KIF13A: variants seen among roughly 807,000 people sequenced by gnomAD.
KIF13A encodes the protein kinesin family member 13A.
In KIF13A, 79 loss-of-function variants were observed where a neutral mutation model predicts 212.2. The observed-to-expected ratio is 0.37, with a 90% confidence interval of 0.31 to 0.45. KIF13A has a LOEUF of 0.45. Among genes scored for constraint, KIF13A ranks in the 20% least tolerant of loss-of-function variants. KIF13A has a pLI of 1.00. For missense variants in KIF13A, 1,901 were observed against 2,209.0 expected, an observed-to-expected ratio of 0.86 and a Z score of 2.79; for synonymous variants, 789 against 808.6, an observed-to-expected ratio of 0.98 and a Z score of 0.41.
intron 31 of KIF13A, among the ~76,000 whole-genome samples, chr6:17,780,429 C>T (rs1760459337): frequency 6.6e-6 from 1 of 152,210 alleles, no homozygotes; most frequent in Non-Finnish European, 1.5e-5. Context: ...CTTGCTTGGA[C>T]CTGGCACTTA....
chr6:17,834,148 T>A lies in KIF13A; in HGVS notation c.1156-77A>T. ...ATACAAGACAATCAGTTACTGTCCC[T>A]CTTAAGCAGTTATCAATAGTCTGTT... On this transcript the variant is annotated intron_variant, in intron 11 of 38. Coordinates refer to ENST00000259711, the MANE Select transcript of KIF13A (RefSeq NM_022113.6). This position sits in a 1 kb window ranked among gnomAD's most constrained non-coding sequence, Gnocchi z 4.0. The A allele has an allele frequency of 2.4e-6, 2 of 842,904 alleles. No homozygotes were observed. The highest frequency in any genetic ancestry group is 3.6e-6 in the Non-Finnish European group (2 of 549,658). 52.2% of individuals were successfully genotyped at this position (842,904 alleles called of 1,614,324 possible).
rs578199677 is a variant in KIF13A, at chr6:17,882,740, T to G, written c.160-9303A>C. Among the ~76,000 whole-genome samples, 3 of 152,238 alleles carry G rather than the reference T, an allele frequency of 2.0e-5. No homozygotes were observed. The East Asian group carries it at 5.8e-4, about 29-fold the overall frequency. On this transcript the variant is annotated intron_variant, in intron 3 of 38. Coordinates refer to ENST00000259711, the MANE Select transcript of KIF13A (RefSeq NM_022113.6). ...CCACGCCTGGCTAATTTTTGTATTT[T>G]TAGTAGAGATGGAGTTTCACCATGC...
At chr6:17,905,611 C>A (rs1398608965) in intron 2 of KIF13A, among the ~76,000 whole-genome samples, 1 of 152,098 alleles carries the variant, frequency 6.6e-6, no homozygotes, top group African/African-American at 2.4e-5. Context: ...TCCAAAAAAG[C>A]GGGGGATTCA....
chr6:17,893,832 C>CTTTTT (rs139288852), intron 3 of KIF13A, among the ~76,000 whole-genome samples: 45 of 77,328 alleles, frequency 5.8e-4, no homozygotes, highest in Non-Finnish European at 6.6e-4. Context: ...TTTCCTGCAT[C>CTTTTT]TTTTTTTTTT....
intron 2 of KIF13A, among the ~76,000 whole-genome samples, chr6:17,929,059 C>CAAAAAAAAAAA (rs375511285): frequency 2.7e-5 from 1 of 36,696 alleles, no homozygotes; most frequent in Non-Finnish European, 6.6e-5. Flanking sequence ...AAGAATTTCT[C>CAAAAAAAAAAA]AAAAAAAAAA....
At position 17,833,812 on chromosome 6, in the gene KIF13A, C is replaced by T. The variant is rs149825112; in HGVS notation, c.1266+149G>A. ...TGGAGGTTGCAGTGAGTCGAGATCA[C>T]GCCACTGCACCCCAGCCTGGGCGAC... On this transcript the variant is annotated intron_variant, in intron 12 of 38. Coordinates refer to ENST00000259711, the MANE Select transcript of KIF13A (RefSeq NM_022113.6). 441 of 527,194 alleles carry T rather than the reference C, an allele frequency of 8.4e-4. No individual in the cohort carries two copies. In the East Asian group the frequency reaches 0.013, roughly 16 times the overall value. 32.7% of individuals were successfully genotyped at this position (527,194 alleles called of 1,614,324 possible). A position where few individuals can be genotyped will look rare whatever the true frequency, so the allele number is the denominator to read the frequency against.
At chr6:17,983,406 T>G (rs73373201) in intron 2 of KIF13A, among the ~76,000 whole-genome samples, 1,716 of 151,664 alleles carry the variant, frequency 0.011, 25 homozygotes, top group African/African-American at 0.039. Flanking sequence ...TTTAGCAAGT[T>G]AGGGATTCTC....
intron 38 of KIF13A, among the ~76,000 whole-genome samples, chr6:17,765,959 G>C (rs776003264): frequency 1.3e-5 from 2 of 152,200 alleles, no homozygotes; most frequent in Non-Finnish European, 2.9e-5. Flanking sequence ...GTGAGCACAA[G>C]AAGGCATGGT....
intron 22 of KIF13A, among the ~76,000 whole-genome samples, chr6:17,797,830 C>A (rs114826112): frequency 0.025 from 3,862 of 152,158 alleles, 74 homozygotes; most frequent in Non-Finnish European, 0.04. Flanking sequence ...CCCAGGAGTT[C>A]GAGGCTGCAG....
chr6:17,866,828 CATATATATATATATATAT>C (rs60217235), intron 4 of KIF13A, among the ~76,000 whole-genome samples: 21 of 22,936 alleles, frequency 9.2e-4, no homozygotes, highest in African/African-American at 2.1e-3. Context: ...AAAAGCAGCG[CATATATATATATATATAT>C]ATATATATAT....
At chr6:17,917,665 T>G (rs1774663133) in intron 2 of KIF13A, among the ~76,000 whole-genome samples, 1 of 152,186 alleles carries the variant, frequency 6.6e-6, no homozygotes, top group Admixed American at 6.5e-5. Flanking sequence ...AAAACTAGGA[T>G]TAAAACCTAG....
chr6:17,817,850 T>C (rs1764086782), intron 16 of KIF13A, among the ~76,000 whole-genome samples: 2 of 152,204 alleles, frequency 1.3e-5, no homozygotes, highest in Admixed American at 6.5e-5. Flanking sequence ...AAAACCTGTT[T>C]CTAACATCTC....
rs1764965067 is a variant in KIF13A at position 17,826,427 on chromosome 6, T to A, written c.1533-303A>T. Among the ~76,000 whole-genome samples the A allele has an allele frequency of 6.6e-6, 1 of 152,262 alleles. No homozygotes were observed. Among genetic ancestry groups the A allele is most frequent in the African/African-American group, 2.4e-5 (1 of 41,556 alleles). ...GCTGAACCTGATCAAGCTTCCACAT[T>A]TAAATGCCAATTTAGGAAATACAGA... On this transcript the variant is annotated intron_variant, in intron 14 of 38. Transcript: ENST00000259711. This position sits in a 1 kb window ranked among gnomAD's most constrained non-coding sequence, Gnocchi z 4.7.
chr6:17,892,292 A>G lies in KIF13A; in HGVS notation c.159+5876T>C, dbSNP rs1327463863. Among the ~76,000 whole-genome samples the G allele has an allele frequency of 2.6e-5, 4 of 152,024 alleles. No homozygotes were observed. The highest frequency in any genetic ancestry group is 5.9e-5 in the Non-Finnish European group (4 of 68,016). On this transcript the variant is annotated intron_variant, in intron 3 of 38. Transcript: ENST00000259711. This position sits in a 1 kb window ranked among gnomAD's most constrained non-coding sequence, Gnocchi z 4.7. ...ACTTTATTTCTGTAATGTTTTCGTA[A>G]TTCTTCCCTTCCTCTTTCCTGCTCT...
rs1761315194 is a variant in KIF13A at position 17,789,052 on chromosome 6, C to A, written c.3261+820G>T. Among the ~76,000 whole-genome samples the A allele has an allele frequency of 6.6e-6, 1 of 152,158 alleles. No individual in the cohort carries two copies. The highest frequency in any genetic ancestry group is 2.4e-5 in the African/African-American group (1 of 41,444). ...TACCCACATTTTACATGTAGGAAGG[C>A]ACACTGGGAAAACATCCTTTGAAGA... On this transcript the variant is annotated intron_variant, in intron 26 of 38. Coordinates refer to ENST00000259711, the MANE Select transcript of KIF13A (RefSeq NM_022113.6). This position sits in a 1 kb window ranked among gnomAD's most constrained non-coding sequence, Gnocchi z 4.8.
Position 17,777,257 on chromosome 6 carries a change from C to T in KIF13A, c.4170+20G>A, listed in dbSNP as rs1345049065. The stretch of plus-strand genomic sequence containing the variant: ...TGCGACATGTCACATAGGAGCAGAT[C>T]CTTGGCAGGATGCACTTACATTATG... On this transcript the variant is annotated intron_variant, in intron 34 of 38. Coordinates refer to ENST00000259711, the MANE Select transcript of KIF13A (RefSeq NM_022113.6). This position sits in a 1 kb window ranked among gnomAD's most constrained non-coding sequence, Gnocchi z 4.4. 2 of 1,595,846 alleles carry T rather than the reference C, an allele frequency of 1.3e-6. No homozygotes were observed. Among genetic ancestry groups the T allele is most frequent in the African/African-American group, 1.3e-5 (1 of 74,586 alleles).
chr6:17,868,336 T>C (rs1382865678), intron 4 of KIF13A, among the ~76,000 whole-genome samples: 1 of 152,256 alleles, frequency 6.6e-6, no homozygotes, highest in Non-Finnish European at 1.5e-5. Context: ...AAAAATGTAT[T>C]GATTCATTGT....
intron 16 of KIF13A, among the ~76,000 whole-genome samples, chr6:17,818,705 G>A (rs1477551513): frequency 6.6e-6 from 1 of 152,104 alleles, no homozygotes; most frequent in African/African-American, 2.4e-5. Flanking sequence ...TGAGGAAACG[G>A]GGGCTCAAAA....
chr6:17,831,035 C>A, intron 13 of KIF13A, 66 bp downstream of exon 13: 2 of 1,468,942 alleles, frequency 1.4e-6, no homozygotes, highest in South Asian at 2.7e-5. Context: ...AGACAGGCAC[C>A]CAGATTCAAC....
Sources: gnomAD v4.1 joint callset for allele counts (sites outside exome capture counted in the v4.1 genomes callset) on GRCh38, gnomAD v4.1.1 for gene constraint, Gnocchi (gnomAD v3.1) non-coding constraint, MANE v1.5 for transcripts, NCBI Gene and HGNC (gene_info 2026-07-23, HGNC 2026-07-21) for gene names.